CNTN6: variants seen among roughly 807,000 people sequenced by gnomAD.
The protein encoded by CNTN6 is contactin-6.
A neutral mutation model predicts 122.8 loss-of-function variants in CNTN6; 137 were observed. That is an observed-to-expected ratio of 1.12 (90% CI 0.97 to 1.29). The LOEUF (loss-of-function observed/expected upper bound fraction) is 1.29. CNTN6 is among the 50% of genes most tolerant of loss of function. The pLI, the probability that CNTN6 is intolerant of heterozygous loss-of-function variation, is 0.00. For synonymous variants in CNTN6, 570 were observed against 426.0 expected, an observed-to-expected ratio of 1.34 and a Z score of -4.16; for missense variants, 1,634 against 1,223.4, an observed-to-expected ratio of 1.34 and a Z score of -5.01.
intron 11 of CNTN6, among the ~76,000 whole-genome samples, chr3:1,351,931 G>A (rs866645143): frequency 1.1e-4 from 16 of 151,984 alleles, no homozygotes; most frequent in Middle Eastern, 3.4e-3. Context: ...GTGAAAATTA[G>A]CTTGCATTTC....
chr3:1,203,717 C>A (rs78643876), intron 2 of CNTN6, among the ~76,000 whole-genome samples: 2 of 152,132 alleles, frequency 1.3e-5, no homozygotes, highest in Non-Finnish European at 2.9e-5. Flanking sequence ...AAATAATGCA[C>A]GCTTGGGGTG....
chr3:1,363,393 G>C (rs1707761240), intron 12 of CNTN6, among the ~76,000 whole-genome samples: 1 of 151,914 alleles, frequency 6.6e-6, no homozygotes, highest in South Asian at 2.1e-4. Context: ...CAATAACTTT[G>C]TACCTTTGAC....
At chr3:1,126,629 T>G (rs1314938257) in intron 1 of CNTN6, among the ~76,000 whole-genome samples, 1 of 151,884 alleles carries the variant, frequency 6.6e-6, no homozygotes, top group Non-Finnish European at 1.5e-5. Context: ...CTTGTTCAAT[T>G]TTGTATCACT....
At chr3:1,291,702 T>G (rs1441308879) in intron 5 of CNTN6, among the ~76,000 whole-genome samples, 1 of 152,196 alleles carries the variant, frequency 6.6e-6, no homozygotes, top group African/African-American at 2.4e-5. Flanking sequence ...TAGATGACTC[T>G]GATTTCAAAC....
chr3:1,226,668 C>G (rs1207527953), intron 3 of CNTN6, among the ~76,000 whole-genome samples: 1 of 152,128 alleles, frequency 6.6e-6, no homozygotes, highest in Non-Finnish European at 1.5e-5. Context: ...TACTCTTCAT[C>G]AAAACTAGCA....
chr3:1,101,792 G>C (rs1420845841), intron 1 of CNTN6, among the ~76,000 whole-genome samples: 1 of 152,180 alleles, frequency 6.6e-6, no homozygotes, highest in African/African-American at 2.4e-5. Context: ...AGTTAGAAAA[G>C]CAAGCCAGTG....
chr3:1,261,841 C>T (rs1171322966), intron 4 of CNTN6, among the ~76,000 whole-genome samples: 1 of 152,124 alleles, frequency 6.6e-6, no homozygotes, highest in Non-Finnish European at 1.5e-5. Flanking sequence ...TAAAAGGTCA[C>T]ATGTAATAAG....
At chr3:1,163,933 C>T (rs532566509) in intron 2 of CNTN6, among the ~76,000 whole-genome samples, 2 of 152,284 alleles carry the variant, frequency 1.3e-5, no homozygotes, top group African/African-American at 4.8e-5. Flanking sequence ...CATTGAAGAG[C>T]AGGGGAAATC....
chr3:1,314,600 C>T (rs1699838082), intron 7 of CNTN6, among the ~76,000 whole-genome samples: 1 of 151,964 alleles, frequency 6.6e-6, no homozygotes, highest in African/African-American at 2.4e-5. Flanking sequence ...TTTAATTTAA[C>T]TCGAAATCAG....
chr3:1,365,836 C>T (rs1708142226), intron 12 of CNTN6, among the ~76,000 whole-genome samples: 1 of 152,040 alleles, frequency 6.6e-6, no homozygotes, highest in Admixed American at 6.6e-5. Flanking sequence ...AACCTTGGGA[C>T]TCCATCTTTC....
intron 1 of CNTN6, among the ~76,000 whole-genome samples, chr3:1,115,767 A>G (rs1394976799): frequency 6.6e-6 from 1 of 152,152 alleles, no homozygotes; most frequent in Non-Finnish European, 1.5e-5. Flanking sequence ...AAATAAATAA[A>G]TAAACAAACA....
intron 7 of CNTN6, among the ~76,000 whole-genome samples, chr3:1,309,248 A>G (rs1001460262): frequency 2.2e-4 from 34 of 152,184 alleles, no homozygotes; most frequent in Non-Finnish European, 4.9e-4. Flanking sequence ...GTCATCTTCT[A>G]GAGCTATTAT....
intron 16 of CNTN6, among the ~76,000 whole-genome samples, chr3:1,376,599 ATTAGT>A (rs377239197): frequency 9.2e-5 from 14 of 151,916 alleles, no homozygotes; most frequent in African/African-American, 1.5e-4. Context: ...AAAAGGAAAA[ATTAGT>A]TTAGTTTGTT....
At position 1,245,231 on chromosome 3, in the gene CNTN6, T is replaced by C. The variant is rs1169967280; in HGVS notation, c.358+17238T>C. Reference sequence around the variant, plus strand: ...ATATATATATATATATATATATATATATATACACACACACATATATATATA... The same window carrying C: ...ATATATATATATATATATATATATACATATACACACACACATATATATATA... On this transcript the variant is annotated intron_variant, in intron 4 of 22. Transcript: ENST00000446702. Among the ~76,000 whole-genome samples the C allele has an allele frequency of 6.8e-4, 7 of 10,232 alleles. 1 individual carries two copies. Among genetic ancestry groups the C allele is most frequent in the African/African-American group, 1.7e-3 (4 of 2,408 alleles). 6.7% of individuals were successfully genotyped at this position (10,232 alleles called of 152,430 possible).
In CNTN6 at chr3:1,393,582, TTGTG is replaced by T. The variant is rs778047584; in HGVS notation, c.2704+7789_2704+7792del. Among the ~76,000 whole-genome samples the T allele has an allele frequency of 3.5e-3, 531 of 150,734 alleles. 3 individuals carry two copies. Among genetic ancestry groups the T allele is most frequent in the Admixed American group, 6.1e-3 (92 of 15,160 alleles). On this transcript the variant is annotated intron_variant, in intron 20 of 22. Coordinates refer to ENST00000446702, the MANE Select transcript of CNTN6 (RefSeq NM_001289080.2). The stretch of plus-strand genomic sequence containing the variant: ...AAAAAAAAAAAAAAAAAAGAAACTC[TTGTG>T]TGTAATTCAGTTTCTATCTCAAGCA...
chr3:1,352,441 C>T lies in CNTN6; in HGVS notation c.1482C>T (p.Leu494=). ...GCACTGCAAAGAACACTGGCAGCCT[C>T]ATTGTAAAAGGTATCATATTATCTT... ...QFGTAKNTGS[L]IVKERTVITV... Residue 494 remains leucine (L), a synonymous_variant, in exon 12 of 23, where the codon CTC becomes CTT. Coordinates refer to ENST00000446702, the MANE Select transcript of CNTN6 (RefSeq NM_001289080.2). The T allele has an allele frequency of 6.2e-7, 1 of 1,609,542 alleles. No homozygotes were observed. The highest frequency in any genetic ancestry group is 1.1e-5 in the South Asian group (1 of 90,934).
chr3:1,133,833 T>C (rs1334856915), intron 1 of CNTN6, among the ~76,000 whole-genome samples: 1 of 152,130 alleles, frequency 6.6e-6, no homozygotes, highest in Admixed American at 6.5e-5. Context: ...CATATTCTTC[T>C]TTCCTTCCTC....
At position 1,385,789 on chromosome 3, in the gene CNTN6, A is replaced by G. The variant is rs143460057; in HGVS notation, c.2696A>G (p.Lys899Arg). ...AGCCCCCCAGTCAATGTTACCACCA[A>G]AAAGTCTCGTAAGTATGCATACACT... is the stretch of plus-strand genomic sequence containing the variant. ...PSSPPVNVTT[K>R]KSPPSQPPAN... The change falls in exon 20 of 23, where the codon AAA becomes AGA. Residue 899 changes from lysine to arginine, a missense_variant. Lys to Arg is a conservative substitution (Grantham distance 26). Transcript: ENST00000446702. 1 of 1,609,516 alleles carries G rather than the reference A, an allele frequency of 6.2e-7. No homozygotes were observed. Among genetic ancestry groups the G allele is most frequent in the Non-Finnish European group, 8.5e-7 (1 of 1,178,316 alleles).
At chr3:1,330,527 T>C (rs573155772) in intron 11 of CNTN6, among the ~76,000 whole-genome samples, 1 of 151,928 alleles carries the variant, frequency 6.6e-6, no homozygotes, top group African/African-American at 2.4e-5. Flanking sequence ...ACTTGTAATA[T>C]CTTTTATTCT....
Sources: gnomAD v4.1 joint callset for allele counts (sites outside exome capture counted in the v4.1 genomes callset) on GRCh38, gnomAD v4.1.1 for gene constraint, MANE v1.5 for transcripts, NCBI Gene and HGNC (gene_info 2026-07-23, HGNC 2026-07-21) for gene names.